Variants in RAD21 observed in about 807,000 individuals in gnomAD.
RAD21 encodes RAD21 cohesin complex component.
In RAD21, 18 loss-of-function variants were observed where a neutral mutation model predicts 71.5. The observed-to-expected ratio is 0.25, with a 90% CI of 0.17 to 0.37. The LOEUF (loss-of-function observed/expected upper bound fraction) is 0.37. Ranked by LOEUF, RAD21 falls within the 10% of genes least tolerant of loss-of-function variation. The pLI is 1.00. For missense variants in RAD21, 493 were observed against 769.1 expected, an observed-to-expected ratio of 0.64 and a Z score of 4.25; for synonymous variants, 248 against 254.0, an observed-to-expected ratio of 0.98 and a Z score of 0.22.
At chr8:116,850,981 G>T in intron 11 of RAD21, 1 of 355,510 alleles carries the variant, frequency 2.8e-6, no homozygotes. Context: ...GAAACTGACT[G>T]CTTATCCTAA....
At chr8:116,851,782 T>C in intron 11 of RAD21, 166 bp downstream of exon 11, 1 of 577,668 alleles carries the variant, frequency 1.7e-6, no homozygotes, top group Non-Finnish European at 2.9e-6. Context: ...ACATATTCTC[T>C]CACTCCGAGT....
In RAD21 at chr8:116,856,292, TAAAA is replaced by T. The variant is rs35902828; in HGVS notation, c.815-8_815-5del. On this transcript the variant is annotated splice_polypyrimidine_tract_variant and splice_region_variant and intron_variant, in intron 7 of 13. Transcript: ENST00000297338. The stretch of plus-strand genomic sequence containing the variant: ...TCAGGACTATCAGGCCCACCCACTG[TAAAA>T]AAAAAAAAAAAAAAAAAAAGTCACA... 4.8e-3 allele frequency: 5,543 copies of T among 1,160,526 alleles called. No individual in the cohort carries two copies. The highest frequency in any genetic ancestry group is 0.013 in the East Asian group (370 of 29,102). The allele number at this position is 1,160,526 out of a possible 1,614,324, so 71.9% of individuals were successfully genotyped here.
At chr8:116,854,575 T>C in intron 8 of RAD21, 107 bp from the exon 9 acceptor site, 1 of 822,190 alleles carries the variant, frequency 1.2e-6, no homozygotes, top group East Asian at 2.5e-5. Flanking sequence ...ACACACAGAC[T>C]CTAGCAGAGA....
chr8:116,867,190 G>A (rs888550752), intron 1 of RAD21, among the ~76,000 whole-genome samples: 6 of 152,100 alleles, frequency 3.9e-5, no homozygotes, highest in African/African-American at 1.4e-4. Context: ...TCGCGATTCT[G>A]GGATAAATTA....
intron 1 of RAD21, among the ~76,000 whole-genome samples, chr8:116,867,405 C>T (rs1812718661): frequency 6.6e-6 from 1 of 152,080 alleles, no homozygotes. Flanking sequence ...AATATTAAAT[C>T]AGGGACAATG....
intron 1 of RAD21, among the ~76,000 whole-genome samples, chr8:116,869,729 A>C (rs757890092): frequency 6.6e-6 from 1 of 152,246 alleles, no homozygotes; most frequent in African/African-American, 2.4e-5. Context: ...CACACTTAAT[A>C]TAAGAGCTAA....
rs1340461422 is a variant in RAD21 at position 116,851,993 on chromosome 8, T to A, written c.1425A>T (p.Gly475=). Reference sequence around the variant, plus strand: ...CAATTTGTCCAGCTTTTCGCTTAACTCCCTGAGGTGGTGGTGGAGGCATAG... The same window carrying A: ...CAATTTGTCCAGCTTTTCGCTTAACACCCTGAGGTGGTGGTGGAGGCATAG... The part of the protein sequence containing the change: ...ESAMPPPPPQ[G]VKRKAGQIDP... Residue 475 remains glycine, a synonymous_variant, in exon 11 of 14, where the codon GGA becomes GGT. Coordinates refer to ENST00000297338, the MANE Select transcript of RAD21 (RefSeq NM_006265.3). The A allele has an allele frequency of 6.2e-7, 1 of 1,612,094 alleles. No individual in the cohort carries two copies. Among genetic ancestry groups the A allele is most frequent in the Non-Finnish European group, 8.5e-7 (1 of 1,178,552 alleles).
chr8:116,870,495 G>C (rs1411656945), intron 1 of RAD21, among the ~76,000 whole-genome samples: 3 of 152,278 alleles, frequency 2.0e-5, no homozygotes, highest in Middle Eastern at 3.4e-3. Context: ...TTATTTTATA[G>C]ATTAAAACAT....
chr8:116,872,684 T>C (rs1003227508), intron 1 of RAD21, among the ~76,000 whole-genome samples: 1 of 152,238 alleles, frequency 6.6e-6, no homozygotes, highest in African/African-American at 2.4e-5. Context: ...CTAACCTTTA[T>C]GCAGTTCAGT....
intron 4 of RAD21, among the ~76,000 whole-genome samples, 182 bp downstream of exon 4, chr8:116,861,656 ATTT>A (rs1218141329): frequency 1.3e-5 from 2 of 151,786 alleles, no homozygotes; most frequent in African/African-American, 4.8e-5. Context: ...CATCCACATG[ATTT>A]TCTTACAGAA....
Position 116,866,761 on chromosome 8 carries a change from CCT to C in RAD21, c.-32-2_-32-1del. The C allele has an allele frequency of 6.5e-7, 1 of 1,533,508 alleles. No individual in the cohort carries two copies. Among genetic ancestry groups the C allele is most frequent in the South Asian group, 1.3e-5 (1 of 77,328 alleles). The allele number at this position is 1,533,508 out of a possible 1,614,324, so 95.0% of individuals were successfully genotyped here. A position where few individuals can be genotyped will look rare whatever the true frequency, so the allele number is the denominator to read the frequency against. Reference sequence around the variant, plus strand: ...GGCTGGCTATGAAAACAGAAGAAAACCTAAGAGGGGAAAAAAAAGTTAATGTA... The same window carrying C: ...GGCTGGCTATGAAAACAGAAGAAAACAAGAGGGGAAAAAAAAGTTAATGTA... On this transcript the variant is annotated splice_acceptor_variant, in intron 1 of 13. Coordinates refer to ENST00000297338, the MANE Select transcript of RAD21 (RefSeq NM_006265.3). LOFTEE classifies it low-confidence loss of function (5UTR_SPLICE).
chr8:116,861,172 A>G (rs1812585296), intron 4 of RAD21, among the ~76,000 whole-genome samples: 1 of 152,094 alleles, frequency 6.6e-6, no homozygotes, highest in Non-Finnish European at 1.5e-5. Flanking sequence ...GAAGCCACAG[A>G]TCATTTCAAA....
At chr8:116,850,104 A>G (rs1812317722) in intron 12 of RAD21, among the ~76,000 whole-genome samples, 1 of 152,212 alleles carries the variant, frequency 6.6e-6, no homozygotes, top group Admixed American at 6.5e-5. Flanking sequence ...TGATTCCTAA[A>G]ACACCTCTTA....
chr8:116,857,165 T>G (rs1812488157), intron 6 of RAD21, 102 bp downstream of exon 6: 1 of 976,310 alleles, frequency 1.0e-6, no homozygotes, highest in Non-Finnish European at 1.5e-6. Context: ...CTCATATATA[T>G]CTAAAAGCTG....
intron 8 of RAD21, among the ~76,000 whole-genome samples, chr8:116,855,730 T>C (rs1331698049): frequency 6.6e-6 from 1 of 151,996 alleles, no homozygotes; most frequent in Non-Finnish European, 1.5e-5. Flanking sequence ...AAAAGAATAC[T>C]TTTAGTTTTT....
intron 1 of RAD21, 69 bp downstream of exon 1, chr8:116,874,542 G>T (rs887867119): frequency 1.1e-5 from 3 of 276,752 alleles, no homozygotes; most frequent in East Asian, 1.4e-4. Context: ...GCTCCCCGAC[G>T]GCAGAGCGGC....
intron 1 of RAD21, chr8:116,867,052 T>TA (rs1812710691): frequency 5.4e-6 from 1 of 186,616 alleles, no homozygotes; most frequent in African/African-American, 2.3e-5. Context: ...ACAGTAGAAA[T>TA]AGTCTGTTTA....
intron 1 of RAD21, among the ~76,000 whole-genome samples, chr8:116,870,898 A>G (rs1563695287): frequency 6.6e-6 from 1 of 152,234 alleles, no homozygotes; most frequent in East Asian, 1.9e-4. Flanking sequence ...AACAGGTGTC[A>G]GTAGCTCCTG....
chr8:116,873,214 G>C (rs534978550), intron 1 of RAD21, among the ~76,000 whole-genome samples: 1 of 152,076 alleles, frequency 6.6e-6, no homozygotes, highest in African/African-American at 2.4e-5. Flanking sequence ...CTTAGAATTT[G>C]TATGTTTCAC....
Sources: gnomAD v4.1 joint callset for allele counts (sites outside exome capture counted in the v4.1 genomes callset) on GRCh38, gnomAD v4.1.1 for gene constraint, MANE v1.5 for transcripts, NCBI Gene and HGNC (gene_info 2026-07-23, HGNC 2026-07-21) for gene names.